Variants in FGGY observed in about 807,000 individuals in gnomAD.
The protein encoded by FGGY is FGGY carbohydrate kinase domain containing.
Under a neutral mutation model 71.3 loss-of-function variants are expected in FGGY, and 72 were observed. The ratio of observed to expected loss-of-function variants is 1.01; its 90% confidence interval spans 0.84 to 1.23. FGGY has a LOEUF of 1.23. Among genes scored for constraint, FGGY ranks in the 50% most tolerant of loss-of-function variants. The probability of loss-of-function intolerance (pLI) is 0.00; values close to 1 mark genes in which losing one functional copy is unlikely to be tolerated. For missense variants in FGGY, 668 were observed against 682.3 expected (o/e 0.98, Z 0.23); for synonymous variants, 251 against 250.3 (o/e 1.00, Z -0.02).
intron 5 of FGGY, among the ~76,000 whole-genome samples, chr1:59,412,016 GTAGA>G (rs1483294658): frequency 1.3e-5 from 2 of 152,172 alleles, no homozygotes; most frequent in African/African-American, 4.8e-5. Context: ...TGCTAAAGCA[GTAGA>G]TATTTTAATT....
chr1:59,733,046 T>C (rs1422375669), intron 14 of FGGY, among the ~76,000 whole-genome samples: 1 of 152,086 alleles, frequency 6.6e-6, no homozygotes, highest in Non-Finnish European at 1.5e-5. Context: ...GTTTCCCTAC[T>C]CGCTACTACT....
intron 13 of FGGY, 76 bp from the exon 14 acceptor site, chr1:59,673,963 C>T: frequency 7.7e-7 from 1 of 1,306,554 alleles, no homozygotes; most frequent in Non-Finnish European, 1.1e-6. Context: ...GTGTTTTTGC[C>T]ACTGCGGCTG....
chr1:59,371,026 A>G (rs2057523172), intron 4 of FGGY, among the ~76,000 whole-genome samples: 1 of 152,026 alleles, frequency 6.6e-6, no homozygotes, highest in Non-Finnish European at 1.5e-5. Context: ...AGCTAACATC[A>G]TAATGACAGG....
At chr1:59,641,715 G>C (rs1310783622) in intron 11 of FGGY, among the ~76,000 whole-genome samples, 1 of 152,098 alleles carries the variant, frequency 6.6e-6, no homozygotes, top group Non-Finnish European at 1.5e-5. Flanking sequence ...CAGGCCTTAG[G>C]AATTAGGATG....
chr1:59,590,519 C>T (rs1571778813), intron 8 of FGGY, among the ~76,000 whole-genome samples: 1 of 152,124 alleles, frequency 6.6e-6, no homozygotes, highest in South Asian at 2.1e-4. Flanking sequence ...CCTTGATGAA[C>T]ATTGATGCAA....
chr1:59,654,248 GGT>G (rs1403142362), intron 11 of FGGY, among the ~76,000 whole-genome samples: 1 of 152,150 alleles, frequency 6.6e-6, no homozygotes, highest in African/African-American at 2.4e-5. Context: ...CTTCCAAGCG[GGT>G]GATTATCTCA....
chr1:59,723,245 A>G (rs890937642), intron 14 of FGGY, among the ~76,000 whole-genome samples: 1 of 152,202 alleles, frequency 6.6e-6, no homozygotes, highest in African/African-American at 2.4e-5. Context: ...ACCCATGTAT[A>G]TACCCATATC....
At position 59,427,410 on chromosome 1, in the gene FGGY, G is replaced by A. The variant is rs1207675981; in HGVS notation, c.555-29551G>A. ...CATAGCTGCTGCTTTACTCATGACC[G>A]AATGAGACACGAGATGGCGGAGGTA... On this transcript the variant is annotated intron_variant, in intron 5 of 15. Coordinates refer to ENST00000303721, the MANE Select transcript of FGGY (RefSeq NM_018291.5). Among the ~76,000 whole-genome samples the A allele has an allele frequency of 6.6e-5, 10 of 152,234 alleles. No homozygotes were observed. In the South Asian group the frequency reaches 1.2e-3, roughly 19 times the overall value.
intron 6 of FGGY, among the ~76,000 whole-genome samples, chr1:59,457,607 ACT>A (rs2091841192): frequency 6.6e-6 from 1 of 151,526 alleles, no homozygotes; most frequent in Non-Finnish European, 1.5e-5. Flanking sequence ...ACAGAGCAGA[ACT>A]CTGTTTTGAG....
chr1:59,492,256 G>A (rs2093889027), intron 6 of FGGY, among the ~76,000 whole-genome samples: 1 of 151,920 alleles, frequency 6.6e-6, no homozygotes, highest in African/African-American at 2.4e-5. Context: ...TGCTTATTTG[G>A]GTTTCTGTCT....
At chr1:59,368,084 G>C (rs1174936858) in intron 4 of FGGY, among the ~76,000 whole-genome samples, 1 of 152,084 alleles carries the variant, frequency 6.6e-6, no homozygotes, top group Non-Finnish European at 1.5e-5. Flanking sequence ...AGGATAGAAA[G>C]ACTTAACTCA....
chr1:59,478,382 C>T (rs1198806494), intron 6 of FGGY, among the ~76,000 whole-genome samples: 1 of 152,128 alleles, frequency 6.6e-6, no homozygotes, highest in Non-Finnish European at 1.5e-5. Context: ...AAGCTATAAC[C>T]TCACCTCAAT....
At chr1:59,646,414 T>C (rs2097094863) in intron 11 of FGGY, among the ~76,000 whole-genome samples, 1 of 151,644 alleles carries the variant, frequency 6.6e-6, no homozygotes, top group African/African-American at 2.4e-5. Flanking sequence ...TATATATATA[T>C]AATCACAATA....
chr1:59,621,943 G>A (rs2096812744), intron 9 of FGGY, among the ~76,000 whole-genome samples: 1 of 150,996 alleles, frequency 6.6e-6, no homozygotes, highest in South Asian at 2.1e-4. Flanking sequence ...GGTACCTTTG[G>A]CTATTGTCTC....
chr1:59,641,439 G>C (rs1206014698), intron 11 of FGGY: 1 of 1,104,504 alleles, frequency 9.1e-7, no homozygotes, highest in African/African-American at 1.6e-5. Flanking sequence ...GCTAAACCCA[G>C]GTAATACAAA....
At chr1:59,382,682 T>A (rs909504197) in intron 5 of FGGY, among the ~76,000 whole-genome samples, 3 of 152,194 alleles carry the variant, frequency 2.0e-5, no homozygotes, top group Non-Finnish European at 4.4e-5. Flanking sequence ...AATGTTTTGA[T>A]CATTTTGGCC....
chr1:59,621,613 G>GT (rs375157320), intron 9 of FGGY, among the ~76,000 whole-genome samples: 109 of 150,158 alleles, frequency 7.3e-4, no homozygotes, highest in African/African-American at 2.1e-3. Flanking sequence ...TGATTTACAG[G>GT]TTTTTTTTTC....
intron 14 of FGGY, among the ~76,000 whole-genome samples, chr1:59,702,360 C>G (rs144274274): frequency 6.6e-6 from 1 of 152,084 alleles, no homozygotes; most frequent in South Asian, 2.1e-4. Flanking sequence ...CATATGGAGA[C>G]CTATATCTTT....
intron 5 of FGGY, among the ~76,000 whole-genome samples, chr1:59,385,023 G>C (rs1401289213): frequency 6.6e-6 from 1 of 152,026 alleles, no homozygotes; most frequent in Non-Finnish European, 1.5e-5. Flanking sequence ...AAGGCTAGAG[G>C]GTCTTTTTTA....
Sources: gnomAD v4.1 joint callset for allele counts (sites outside exome capture counted in the v4.1 genomes callset) on GRCh38, gnomAD v4.1.1 for gene constraint, MANE v1.5 for transcripts, NCBI Gene and HGNC (gene_info 2026-07-23, HGNC 2026-07-21) for gene names.